The following CENPE variants were observed in gnomAD, a reference collection of about 807,000 sequenced individuals.
The protein encoded by CENPE is centromere protein E, also known as centromere-associated protein E.
CENPE carries 145 observed loss-of-function variants against 336.1 expected under a neutral mutation model. The observed-to-expected ratio is 0.43, with a 90% CI of 0.38 to 0.50. The LOEUF is 0.50. Among genes scored for constraint, CENPE ranks in the 20% least tolerant of loss-of-function variants. The pLI, the probability that CENPE is intolerant of heterozygous loss-of-function variation, is 0.00. For missense variants in CENPE, 2,719 were observed against 3,023.3 expected (o/e 0.90, Z 2.36); for synonymous variants, 1,013 against 984.8 (o/e 1.03, Z -0.54).
chr4:103,177,274 C>T (rs912616171), intron 13 of CENPE, among the ~76,000 whole-genome samples: 2 of 151,882 alleles, frequency 1.3e-5, no homozygotes, highest in African/African-American at 2.4e-5. Flanking sequence ...TCCTCCTCAT[C>T]ATTTATCCAC....
At chr4:103,136,912 G>C (rs941316388) in intron 39 of CENPE, among the ~76,000 whole-genome samples, 1 of 152,112 alleles carries the variant, frequency 6.6e-6, no homozygotes, top group Non-Finnish European at 1.5e-5. Context: ...CTTCTTGACT[G>C]GGGAAGTCAC....
intron 28 of CENPE, among the ~76,000 whole-genome samples, chr4:103,147,974 G>A (rs1276594991): frequency 1.3e-5 from 2 of 152,122 alleles, no homozygotes; most frequent in African/African-American, 2.4e-5. Flanking sequence ...GATTACAGGT[G>A]TGAGCCACCG....
chr4:103,161,018 T>C lies in CENPE; in HGVS notation c.2131+68A>G, dbSNP rs969721385. ...ATTTTTAATCATTGAAATATGCTTG[T>C]CAAATTGTTTAGGTACATTTCTAGA... On this transcript the variant is annotated intron_variant, in intron 20 of 48. Transcript: ENST00000265148. 1.0e-5 allele frequency: 13 copies of C among 1,298,652 alleles called. No homozygotes were observed. In the East Asian group the frequency reaches 2.6e-4, roughly 26 times the overall value. 80.4% of individuals were successfully genotyped at this position (1,298,652 alleles called of 1,614,324 possible).
intron 24 of CENPE, among the ~76,000 whole-genome samples, chr4:103,155,095 G>A (rs1753857778): frequency 6.6e-6 from 1 of 152,070 alleles, no homozygotes; most frequent in Non-Finnish European, 1.5e-5. Flanking sequence ...AAAAGCCCCA[G>A]CTACATCCTT....
chr4:103,183,784 CT>C (rs1756522914), intron 9 of CENPE, among the ~76,000 whole-genome samples: 1 of 150,120 alleles, frequency 6.7e-6, no homozygotes, highest in South Asian at 2.1e-4. Context: ...CAGGAAACCA[CT>C]GTTATTAGTT....
chr4:103,191,817 A>C (rs971395389), intron 8 of CENPE, among the ~76,000 whole-genome samples: 1 of 152,162 alleles, frequency 6.6e-6, no homozygotes. Context: ...AAAAATAAAA[A>C]AACGTAAAAC....
chr4:103,163,230 C>T lies in CENPE; in HGVS notation c.1749G>A (p.Leu583=). 2 of 1,609,114 alleles carry T rather than the reference C, an allele frequency of 1.2e-6. No individual in the cohort carries two copies. The highest frequency in any genetic ancestry group is 1.1e-5 in the South Asian group (1 of 90,770). The change falls in exon 18 of 49, where the codon CTG becomes CTA. Residue 583 remains leucine, a synonymous_variant. Coordinates refer to ENST00000265148, the MANE Select transcript of CENPE (RefSeq NM_001813.3). ...LENELSSKVE[L]LREKEDQIKK... ...TAATCTGGTCTTCCTTTTCTCTAAG[C>T]AGCTCTACTTTTGAACTGAGTTCAT... is the stretch of plus-strand genomic sequence containing the variant.
chr4:103,197,616 G>A (rs987517827), intron 1 of CENPE, among the ~76,000 whole-genome samples: 59 of 152,186 alleles, frequency 3.9e-4, no homozygotes, highest in Admixed American at 3.3e-3. Flanking sequence ...TTCGGGTCGA[G>A]GGCCAGAAGC....
intron 9 of CENPE, among the ~76,000 whole-genome samples, chr4:103,184,678 T>C (rs1756609318): frequency 6.6e-6 from 1 of 152,194 alleles, no homozygotes; most frequent in South Asian, 2.1e-4. Context: ...TTCTATTCTA[T>C]TTCACTGGGC....
At chr4:103,195,645 T>C (rs1757678474) in intron 4 of CENPE, among the ~76,000 whole-genome samples, 1 of 152,150 alleles carries the variant, frequency 6.6e-6, no homozygotes, top group African/African-American at 2.4e-5. Context: ...CTAACCATTC[T>C]GATAACATTT....
intron 16 of CENPE, among the ~76,000 whole-genome samples, chr4:103,168,098 G>C (rs1174001967): frequency 6.6e-6 from 1 of 151,904 alleles, no homozygotes; most frequent in South Asian, 2.1e-4. Context: ...GCCCTCCCCT[G>C]CTGCAGCCTC....
At position 103,147,593 on chromosome 4, in the gene CENPE, A is replaced by T. The variant is rs748639367; in HGVS notation, c.3897T>A (p.Ser1299Arg). 2.5e-6 allele frequency: 4 copies of T among 1,613,430 alleles called. No homozygotes were observed. In the East Asian group the frequency reaches 6.7e-5, roughly 27 times the overall value. ...GTTCATTCATTGTTTCCTGAGTCTC[A>T]CTGACTTCTTTCACATTAGGCAGTA... ...QELLPNVKEV[S>R]ETQETMNELE... Residue 1299 changes from serine (S) to arginine (R), a missense_variant, in exon 29 of 49, where the codon AGT becomes AGA. Transcript: ENST00000265148.
chr4:103,159,715 A>AAT (rs1349105955), intron 21 of CENPE, among the ~76,000 whole-genome samples: 19 of 152,074 alleles, frequency 1.2e-4, no homozygotes, highest in East Asian at 1.2e-3. Context: ...CCAAAAACTT[A>AAT]ATCAATGAAT....
At chr4:103,122,658 C>A (rs1428766504) in intron 43 of CENPE, among the ~76,000 whole-genome samples, 2 of 152,148 alleles carry the variant, frequency 1.3e-5, no homozygotes, top group African/African-American at 4.8e-5. Flanking sequence ...AATGAAGCTA[C>A]AATTTATGTT....
intron 8 of CENPE, among the ~76,000 whole-genome samples, chr4:103,188,872 C>T (rs1036111262): frequency 2.6e-5 from 4 of 151,598 alleles, no homozygotes; most frequent in Non-Finnish European, 5.9e-5. Context: ...TTTGAAAAGA[C>T]CAACAAAATT....
chr4:103,145,908 T>C lies in CENPE; in HGVS notation c.4334A>G (p.Asp1445Gly), dbSNP rs768088621. 2.5e-6 allele frequency: 4 copies of C among 1,613,866 alleles called. No individual in the cohort carries two copies. Among genetic ancestry groups the C allele is most frequent in the Non-Finnish European group, 3.4e-6 (4 of 1,179,880 alleles). The change falls in exon 30 of 49, where the codon GAT becomes GGT. Residue 1445 changes from aspartate (D) to glycine (G), a missense_variant. Physicochemically the swap from Asp to Gly is moderately conservative, Grantham distance 94. Transcript: ENST00000265148. The stretch of plus-strand genomic sequence containing the variant: ...AACTTCTTGCAGCCTCTGTAGGTCA[T>C]CTTTCTCCTTAGCTACAGATTTCAT... ...DEMKSVAKEKDDLQRLQEVLQ... is the reference protein window; with the variant it reads ...DEMKSVAKEKGDLQRLQEVLQ...
At position 103,115,420 on chromosome 4, in the gene CENPE, C is replaced by T. The variant is rs959698802; in HGVS notation, c.7443-868G>A. ...AAGTGCTGGGATCACAGGCGTGAGC[C>T]ACCGTGCCCGGCCCTGCTGACCCTA... On this transcript the variant is annotated intron_variant, in intron 45 of 48. Transcript: ENST00000265148. 2.0e-5 allele frequency among the ~76,000 whole-genome samples: 3 copies of T among 152,046 alleles called. No homozygotes were observed. In the East Asian group the frequency reaches 5.8e-4, roughly 30 times the overall value.
At chr4:103,155,260 T>C (rs956872838) in intron 24 of CENPE, among the ~76,000 whole-genome samples, 1 of 152,174 alleles carries the variant, frequency 6.6e-6, no homozygotes, top group East Asian at 1.9e-4. Flanking sequence ...CCATATATTA[T>C]TGTCAAAAGT....
chr4:103,122,014 GTATTT>G (rs1750673264), intron 43 of CENPE, among the ~76,000 whole-genome samples: 1 of 152,134 alleles, frequency 6.6e-6, no homozygotes, highest in African/African-American at 2.4e-5. Context: ...ATAGTAGCAT[GTATTT>G]TATTATCTGC....
Sources: allele counts gnomAD v4.1 joint callset (sites outside exome capture counted in the v4.1 genomes callset), GRCh38; gene constraint gnomAD v4.1.1; transcripts MANE v1.5; gene names NCBI Gene and HGNC (gene_info 2026-07-23, HGNC 2026-07-21).